Variants in GLB1L3 observed in about 807,000 individuals in gnomAD.
GLB1L3 encodes galactosidase beta 1 like 3, also known as beta-galactosidase-1-like protein 3.
Under a neutral mutation model 89.5 loss-of-function variants are expected in GLB1L3, and 89 were observed. That is an observed-to-expected ratio of 0.99 (90% CI 0.84 to 1.19). GLB1L3 has a LOEUF of 1.19. Among genes scored for constraint, GLB1L3 ranks in the 50% most tolerant of loss-of-function variants. GLB1L3 has a pLI of 0.00. For missense variants in GLB1L3, 812 were observed against 813.3 expected (o/e 1.00, Z 0.02); for synonymous variants, 314 against 312.3 (o/e 1.01, Z -0.06).
intron 10 of GLB1L3, among the ~76,000 whole-genome samples, chr11:134,308,269 CA>C (rs1942366436): frequency 2.0e-5 from 1 of 50,510 alleles, no homozygotes; most frequent in Non-Finnish European, 3.9e-5. Context: ...CCACCACCAC[CA>C]CCACCACCAC....
At chr11:134,305,147 T>C in intron 9 of GLB1L3, 1 of 1,511,152 alleles carries the variant, frequency 6.6e-7, no homozygotes, top group Non-Finnish European at 9.0e-7. Context: ...TGCTCTCAGA[T>C]GCCTCACAAG....
At chr11:134,308,428 TCACCACCACCAC>T (rs1250413719) in intron 10 of GLB1L3, among the ~76,000 whole-genome samples, 2 of 38,254 alleles carry the variant, frequency 5.2e-5, no homozygotes, top group Non-Finnish European at 9.4e-5. Flanking sequence ...ATCATCACCA[TCACCACCACCAC>T]CACCATCACC....
chr11:134,289,781 C>T (rs1337543536), intron 7 of GLB1L3, among the ~76,000 whole-genome samples: 1 of 152,222 alleles, frequency 6.6e-6, no homozygotes, highest in Admixed American at 6.5e-5. Flanking sequence ...CAGGGAATAA[C>T]TGCAGTCCTG....
chr11:134,311,044 G>A lies in GLB1L3; in HGVS notation c.1181-20G>A, dbSNP rs377288252. 15 of 1,594,868 alleles carry A rather than the reference G, an allele frequency of 9.4e-6. No homozygotes were observed. The African/African-American group carries it at 1.2e-4, about 13-fold the overall frequency. ...GGTCATCTCAGGCACTTTTTGCCCT[G>A]TGCCCCATCTCCATTGCAGCAACTC... On this transcript the variant is annotated intron_variant, in intron 12 of 19. Coordinates refer to ENST00000431683, the MANE Select transcript of GLB1L3 (RefSeq NM_001080407.3).
At chr11:134,299,241 G>A (rs1941814439) in intron 9 of GLB1L3, among the ~76,000 whole-genome samples, 1 of 151,756 alleles carries the variant, frequency 6.6e-6, no homozygotes, top group Non-Finnish European at 1.5e-5. Flanking sequence ...ATAGTCTTAA[G>A]TATATTAATC....
chr11:134,298,527 C>G (rs1941774531), intron 9 of GLB1L3, among the ~76,000 whole-genome samples: 1 of 152,158 alleles, frequency 6.6e-6, no homozygotes, highest in Non-Finnish European at 1.5e-5. Context: ...TCCTAGAATT[C>G]CCATGTGTTG....
chr11:134,308,247 C>CCATCACCACCACCACCATCAT (rs1942351772), intron 10 of GLB1L3, among the ~76,000 whole-genome samples: 2 of 26,490 alleles, frequency 7.6e-5, no homozygotes, highest in Non-Finnish European at 1.6e-4. Flanking sequence ...ATCACCATCA[C>CCATCACCACCACCACCATCAT]CACCATCACC....
intron 9 of GLB1L3, among the ~76,000 whole-genome samples, chr11:134,299,533 T>G (rs1191935400): frequency 1.3e-5 from 2 of 152,178 alleles, no homozygotes; most frequent in Non-Finnish European, 2.9e-5. Context: ...CATCATGGGC[T>G]TCAAATGTTT....
rs1940383607 is a variant in GLB1L3, at chr11:134,276,674, G to C, written c.-67G>C. The C allele has an allele frequency of 3.7e-6, 5 of 1,337,886 alleles. No individual in the cohort carries two copies. The highest frequency in any genetic ancestry group is 3.4e-5 in the Admixed American group (1 of 29,114). The allele number at this position is 1,337,886 out of a possible 1,614,324, so 82.9% of individuals were successfully genotyped here. A position where few individuals can be genotyped will look rare whatever the true frequency, so the allele number is the denominator to read the frequency against. ...CCGGGGCTCGAGTCCCGGCCCGAGC[G>C]CGGCGTCGGGGCCAGCGGAGAGGGG... On this transcript the variant is annotated 5_prime_UTR_variant, in exon 1 of 20. Transcript: ENST00000431683.
At chr11:134,301,336 GTC>G (rs1230868682) in intron 9 of GLB1L3, among the ~76,000 whole-genome samples, 1 of 152,172 alleles carries the variant, frequency 6.6e-6, no homozygotes, top group Non-Finnish European at 1.5e-5. Flanking sequence ...GTACTCAGAA[GTC>G]TGTTTCCTTC....
chr11:134,285,630 A>G (rs1451584719), intron 6 of GLB1L3, among the ~76,000 whole-genome samples: 1 of 152,104 alleles, frequency 6.6e-6, no homozygotes, highest in Admixed American at 6.5e-5. Flanking sequence ...TACAAAAAAT[A>G]CAAAAATTCG....
chr11:134,319,249 C>T lies in GLB1L3; in HGVS notation c.*307C>T, dbSNP rs150477492. 2.3e-4 allele frequency: 56 copies of T among 243,856 alleles called. 1 individual carries two copies. Among genetic ancestry groups the T allele is most frequent in the African/African-American group, 1.0e-3 (46 of 44,376 alleles). 15.1% of individuals were successfully genotyped at this position (243,856 alleles called of 1,614,324 possible). A position where few individuals can be genotyped will look rare whatever the true frequency, so the allele number is the denominator to read the frequency against. ...GATTACAGGCGTGAGCCACCACTCC[C>T]GGCCGTGAACATATTTTTTGGGTTG... is the stretch of plus-strand genomic sequence containing the variant. On this transcript the variant is annotated 3_prime_UTR_variant, in exon 20 of 20. Coordinates refer to ENST00000431683, the MANE Select transcript of GLB1L3 (RefSeq NM_001080407.3).
At chr11:134,300,623 C>T (rs895718767) in intron 9 of GLB1L3, among the ~76,000 whole-genome samples, 11 of 152,190 alleles carry the variant, frequency 7.2e-5, no homozygotes, top group East Asian at 1.9e-4. Flanking sequence ...CGTGAGCCAC[C>T]GCGCCCGGCC....
At chr11:134,298,700 T>C (rs577052541) in intron 9 of GLB1L3, among the ~76,000 whole-genome samples, 1 of 152,302 alleles carries the variant, frequency 6.6e-6, no homozygotes, top group South Asian at 2.1e-4. Context: ...ATAAGTGCCT[T>C]TCCCCTTCTG....
intron 6 of GLB1L3, among the ~76,000 whole-genome samples, chr11:134,284,634 C>G (rs915832736): frequency 2.0e-5 from 3 of 152,132 alleles, no homozygotes; most frequent in African/African-American, 7.2e-5. Flanking sequence ...CTGGCTGAGA[C>G]AAGAGAATCA....
chr11:134,308,217 T>TCACCACCACCACCACCATCAC (rs1565412423), intron 10 of GLB1L3, among the ~76,000 whole-genome samples: 1 of 31,504 alleles, frequency 3.2e-5, no homozygotes, highest in African/African-American at 1.7e-4. Flanking sequence ...ACCACCACCA[T>TCACCACCACCACCACCATCAC]CACCATCACC....
At position 134,312,257 on chromosome 11, in the gene GLB1L3, AC is replaced by A. The variant is rs77429988; in HGVS notation, c.1288-90del. On this transcript the variant is annotated intron_variant, in intron 13 of 19. Transcript: ENST00000431683. ...TTTCCCATTTGAAGAACCCTTGGGG[AC>A]CATTAGGCAGGACCAAATGACAGGG... 484 of 1,393,642 alleles carry A rather than the reference AC, an allele frequency of 3.5e-4. 5 individuals are homozygous for A. In the East Asian group the frequency reaches 0.011, roughly 32 times the overall value. The allele number at this position is 1,393,642 out of a possible 1,614,324, so 86.3% of individuals were successfully genotyped here. A position where few individuals can be genotyped will look rare whatever the true frequency, so the allele number is the denominator to read the frequency against.
chr11:134,312,768 C>G (rs201463468), intron 14 of GLB1L3, 48 bp from the exon 15 acceptor site: 1 of 1,505,670 alleles, frequency 6.6e-7, no homozygotes, highest in East Asian at 2.3e-5. Context: ...TCTCTTCTCC[C>G]TTTCTTCGGG....
chr11:134,319,890 T>G (rs1943141237), downstream of GLB1L3, among the ~76,000 whole-genome samples: 1 of 152,114 alleles, frequency 6.6e-6, no homozygotes, highest in African/African-American at 2.4e-5. Context: ...AACAGAAATT[T>G]GGTCATTTGC....
Sources: gnomAD v4.1 joint callset for allele counts (sites outside exome capture counted in the v4.1 genomes callset) on GRCh38, gnomAD v4.1.1 for gene constraint, MANE v1.5 for transcripts, NCBI Gene and HGNC (gene_info 2026-07-23, HGNC 2026-07-21) for gene names.